SGCD: variants seen among roughly 807,000 people sequenced by gnomAD.
SGCD encodes delta-sarcoglycan.
A neutral mutation model predicts 36.6 loss-of-function variants in SGCD; 18 were observed. The observed-to-expected ratio is 0.49, with a 90% CI of 0.34 to 0.73. SGCD has a LOEUF of 0.73. SGCD is among the 30% of genes least tolerant of loss of function. The probability of loss-of-function intolerance (pLI) is 0.01; values close to 1 mark genes in which losing one functional copy is unlikely to be tolerated. For missense variants in SGCD, 387 were observed against 346.7 expected (o/e 1.12, Z -0.92); for synonymous variants, 133 against 130.6 (o/e 1.02, Z -0.12).
the SGCD span, among the ~76,000 whole-genome samples, chr5:155,770,854 A>C: frequency 6.6e-6 from 1 of 152,174 alleles, no homozygotes; most frequent in Admixed American, 6.5e-5. Context: ...CTTTCTTAGT[A>C]ATCTCCTATT....
intron 3 of SGCD, among the ~76,000 whole-genome samples, chr5:156,157,165 A>G (rs11952838): frequency 0.041 from 6,237 of 151,736 alleles, 453 homozygotes; most frequent in African/African-American, 0.11. Context: ...GCCATGAACA[A>G]ATAGCTGTGG....
At chr5:156,381,573 C>CAT in intron 3 of SGCD, among the ~76,000 whole-genome samples, 1 of 112,012 alleles carries the variant, frequency 8.9e-6, no homozygotes. Context: ...CTCATGTAAA[C>CAT]ATACATGTGC....
chr5:156,488,190 A>T (rs1200819056), intron 3 of SGCD, among the ~76,000 whole-genome samples: 1 of 149,594 alleles, frequency 6.7e-6, no homozygotes, highest in Non-Finnish European at 1.5e-5. Context: ...CATATGGGAC[A>T]CCATGAATAT....
chr5:156,510,944 A>G (rs1561745391), intron 4 of SGCD, among the ~76,000 whole-genome samples: 2 of 152,216 alleles, frequency 1.3e-5, no homozygotes, highest in African/African-American at 4.8e-5. Flanking sequence ...TTGGATGTCT[A>G]GCAAATGTGT....
At chr5:156,726,831 T>A (rs1489136717) in intron 7 of SGCD, among the ~76,000 whole-genome samples, 1 of 152,210 alleles carries the variant, frequency 6.6e-6, no homozygotes. Flanking sequence ...AGGGCCAGAA[T>A]GGTTGGGTTC....
At chr5:155,918,225 G>T (rs967545357) in intron 1 of SGCD, among the ~76,000 whole-genome samples, 5 of 152,168 alleles carry the variant, frequency 3.3e-5, no homozygotes, top group African/African-American at 9.7e-5. Context: ...ATGATATCCT[G>T]AAAGCTAATC....
At chr5:155,808,467 C>A in the SGCD span, among the ~76,000 whole-genome samples, 1 of 152,160 alleles carries the variant, frequency 6.6e-6, no homozygotes, top group African/African-American at 2.4e-5. Flanking sequence ...GCTCTCTCTG[C>A]TGTTGTGAAG....
intron 3 of SGCD, among the ~76,000 whole-genome samples, chr5:156,443,210 C>G (rs975811946): frequency 2.6e-5 from 4 of 152,126 alleles, no homozygotes; most frequent in Admixed American, 1.3e-4. Flanking sequence ...ATCTCAAACT[C>G]CTGACCTCAG....
At chr5:156,382,941 A>T (rs941780926) in intron 3 of SGCD, among the ~76,000 whole-genome samples, 1 of 152,346 alleles carries the variant, frequency 6.6e-6, no homozygotes, top group African/African-American at 2.4e-5. Context: ...GCAAATAACT[A>T]TTTAGCATAA....
intron 7 of SGCD, among the ~76,000 whole-genome samples, chr5:156,731,997 C>T (rs1191888798): frequency 1.3e-5 from 2 of 151,790 alleles, no homozygotes; most frequent in Non-Finnish European, 2.9e-5. Context: ...TTTTTGCACA[C>T]TGATTTTGTA....
At chr5:156,634,931 C>T (rs894791127) in intron 6 of SGCD, among the ~76,000 whole-genome samples, 9 of 152,054 alleles carry the variant, frequency 5.9e-5, no homozygotes, top group East Asian at 1.9e-4. Context: ...TATTAAATAG[C>T]GGAACTTCCT....
the SGCD span, among the ~76,000 whole-genome samples, chr5:155,799,988 T>C: frequency 6.6e-6 from 1 of 151,596 alleles, no homozygotes; most frequent in African/African-American, 2.4e-5. Context: ...CCAGCTAGTT[T>C]TTGTATTTTT....
chr5:155,769,951 T>G, the SGCD span, among the ~76,000 whole-genome samples: 45 of 152,290 alleles, frequency 3.0e-4, no homozygotes, highest in African/African-American at 9.9e-4. Flanking sequence ...TTTGTACCTT[T>G]TCTCTTTCAT....
At chr5:156,562,032 C>T (rs1413724966) in intron 4 of SGCD, among the ~76,000 whole-genome samples, 1 of 152,098 alleles carries the variant, frequency 6.6e-6, no homozygotes, top group Non-Finnish European at 1.5e-5. Context: ...TTCATATATT[C>T]TTTTATTAAA....
At chr5:156,030,653 G>A (rs1759326754) in intron 1 of SGCD, among the ~76,000 whole-genome samples, 1 of 152,184 alleles carries the variant, frequency 6.6e-6, no homozygotes, top group Admixed American at 6.5e-5. Flanking sequence ...TGGGGGAAAG[G>A]ACGGGTGAGT....
chr5:156,083,762 C>T (rs1268530214), intron 1 of SGCD, among the ~76,000 whole-genome samples: 1 of 151,454 alleles, frequency 6.6e-6, no homozygotes, highest in Non-Finnish European at 1.5e-5. Context: ...AAAGTGTGAG[C>T]TTTAGATCAG....
intron 1 of SGCD, among the ~76,000 whole-genome samples, chr5:155,915,532 A>G (rs1459307577): frequency 6.6e-6 from 1 of 152,210 alleles, no homozygotes; most frequent in Non-Finnish European, 1.5e-5. Context: ...ATCAAAATTA[A>G]TCAATGTTTA....
chr5:156,463,500 T>C (rs1010426471), intron 3 of SGCD, among the ~76,000 whole-genome samples: 5 of 152,162 alleles, frequency 3.3e-5, no homozygotes, highest in Non-Finnish European at 5.9e-5. Flanking sequence ...ACTATACTTT[T>C]TTTGGATAAA....
the SGCD span, among the ~76,000 whole-genome samples, chr5:155,769,028 A>G: frequency 3.3e-5 from 5 of 152,282 alleles, no homozygotes; most frequent in African/African-American, 1.2e-4. Flanking sequence ...TCAATGGAAG[A>G]TTGAGTAAAT....
Sources: gnomAD v4.1 joint callset for allele counts (sites outside exome capture counted in the v4.1 genomes callset) on GRCh38, gnomAD v4.1.1 for gene constraint, MANE v1.5 for transcripts, NCBI Gene and HGNC (gene_info 2026-07-23, HGNC 2026-07-21) for gene names.